Variants in ASB1 observed in about 807,000 individuals in gnomAD.
ASB1 encodes the protein ankyrin repeat and SOCS box protein 1.
ASB1 carries 18 observed loss-of-function variants against 27.7 expected under a neutral mutation model. The observed-to-expected ratio is 0.65, with a 90% CI of 0.45 to 0.96. The LOEUF is 0.96. Ranked by LOEUF, ASB1 falls within the 50% of genes least tolerant of loss-of-function variation. The pLI is 0.00. For missense variants in ASB1, 397 were observed against 451.7 expected (o/e 0.88, Z 1.10); for synonymous variants, 189 against 187.6 (o/e 1.01, Z -0.06).
intron 2 of ASB1, 38 bp downstream of exon 2, chr2:238,433,733 G>A (rs1259337056): frequency 6.2e-7 from 1 of 1,608,938 alleles, no homozygotes; most frequent in Non-Finnish European, 8.5e-7. Context: ...GGGTACTAGG[G>A]CCCTGAAGGT....
chr2:238,443,590 G>T (rs532156197), intron 3 of ASB1, among the ~76,000 whole-genome samples: 1 of 152,306 alleles, frequency 6.6e-6, no homozygotes, highest in South Asian at 2.1e-4. Context: ...TCCAGCTTTG[G>T]CCGGAGTGCT....
intron 4 of ASB1, among the ~76,000 whole-genome samples, chr2:238,445,914 C>T (rs1436852792): frequency 6.6e-6 from 1 of 152,254 alleles, no homozygotes; most frequent in Non-Finnish European, 1.5e-5. Flanking sequence ...CTTGGCTGCG[C>T]TCTTTTCATT....
In ASB1 at chr2:238,426,976, C is replaced by CT. The variant is rs947262882; in HGVS notation, c.-95_-94insT. On this transcript the variant is annotated 5_prime_UTR_variant, in exon 1 of 5. Coordinates refer to ENST00000264607, the MANE Select transcript of ASB1 (RefSeq NM_001040445.3). Reference sequence around the variant, plus strand: ...GAAGCCGCGACCCCGACGCGCCCCCCATTGCCCTCGGCGCCGGAAGTGGTC... The same window carrying CT: ...GAAGCCGCGACCCCGACGCGCCCCCCTATTGCCCTCGGCGCCGGAAGTGGTC... 1 of 1,017,558 alleles carries CT rather than the reference C, an allele frequency of 9.8e-7. No individual in the cohort carries two copies. The highest frequency in any genetic ancestry group is 4.4e-5 in the Admixed American group (1 of 22,946). The allele number at this position is 1,017,558 out of a possible 1,614,324, so 63.0% of individuals were successfully genotyped here. A position where few individuals can be genotyped will look rare whatever the true frequency, so the allele number is the denominator to read the frequency against.
chr2:238,440,179 C>T (rs1457136535), intron 3 of ASB1, among the ~76,000 whole-genome samples: 3 of 152,172 alleles, frequency 2.0e-5, no homozygotes, highest in South Asian at 2.1e-4. Context: ...TGGAATAAGT[C>T]ATTTCTCCTA....
chr2:238,450,743 G>T lies in ASB1; in HGVS notation c.*4232G>T, dbSNP rs1357932872. Reference sequence around the variant, plus strand: ...GACACACTCACAGGAAGCTGATGTGGCCTTCTCGGTGAGGACTGCACCTTA... The same window carrying T: ...GACACACTCACAGGAAGCTGATGTGTCCTTCTCGGTGAGGACTGCACCTTA... On this transcript the variant is annotated 3_prime_UTR_variant, in exon 5 of 5. Coordinates refer to ENST00000264607, the MANE Select transcript of ASB1 (RefSeq NM_001040445.3). The T allele has an allele frequency of 1.3e-5, 2 of 152,246 alleles. No homozygotes were observed. Among genetic ancestry groups the T allele is most frequent in the Non-Finnish European group, 2.9e-5 (2 of 68,108 alleles). 9.4% of individuals were successfully genotyped at this position (152,246 alleles called of 1,614,324 possible). A position where few individuals can be genotyped will look rare whatever the true frequency, so the allele number is the denominator to read the frequency against.
At chr2:238,435,155 T>C (rs893318780) in intron 2 of ASB1, 1 of 153,554 alleles carries the variant, frequency 6.5e-6, no homozygotes, top group Non-Finnish European at 1.4e-5. Flanking sequence ...CAGGTTCCTC[T>C]GCCGCTCTTG....
intron 3 of ASB1, among the ~76,000 whole-genome samples, chr2:238,441,239 A>G (rs148625882): frequency 0.02 from 3,101 of 151,870 alleles, 104 homozygotes; most frequent in African/African-American, 0.071. Flanking sequence ...GGTTCAAGCA[A>G]TTCTCCTGCT....
intron 3 of ASB1, among the ~76,000 whole-genome samples, chr2:238,439,674 G>C (rs113661857): frequency 6.6e-6 from 1 of 152,160 alleles, no homozygotes; most frequent in African/African-American, 2.4e-5. Context: ...CAACTCTAAT[G>C]TTGACTCAGA....
chr2:238,446,284 T>G, intron 4 of ASB1, 100 bp from the exon 5 acceptor site: 2 of 1,360,238 alleles, frequency 1.5e-6, no homozygotes, highest in Non-Finnish European at 2.0e-6. Context: ...GTAGTGAGCA[T>G]TGGTGCACTT....
intron 4 of ASB1, among the ~76,000 whole-genome samples, chr2:238,445,816 A>G (rs1354753421): frequency 2.0e-5 from 3 of 152,254 alleles, no homozygotes; most frequent in Non-Finnish European, 4.4e-5. Context: ...TAGTTAATGA[A>G]TGGTCAGCTG....
chr2:238,450,977 T>A lies in ASB1; in HGVS notation c.*4466T>A, dbSNP rs991945319. 1 of 139,662 alleles carries A rather than the reference T, an allele frequency of 7.2e-6. No individual in the cohort carries two copies. Among genetic ancestry groups the A allele is most frequent in the South Asian group, 2.2e-4 (1 of 4,552 alleles). 8.7% of individuals were successfully genotyped at this position (139,662 alleles called of 1,614,324 possible). A position where few individuals can be genotyped will look rare whatever the true frequency, so the allele number is the denominator to read the frequency against. On this transcript the variant is annotated 3_prime_UTR_variant, in exon 5 of 5. Transcript: ENST00000264607. ...GCCATGTGACCTCCTTTCTCACTTA[T>A]GCCTCACTCCCCTCCTCCCGCTCCA... is the stretch of plus-strand genomic sequence containing the variant.
At chr2:238,433,772 G>A in intron 2 of ASB1, 77 bp downstream of exon 2, 5 of 1,534,694 alleles carry the variant, frequency 3.3e-6, no homozygotes, top group East Asian at 4.5e-5. Context: ...CACAGTCGCT[G>A]TGCAGATGAA....
chr2:238,431,832 T>C (rs183317033), intron 1 of ASB1, among the ~76,000 whole-genome samples: 5 of 152,348 alleles, frequency 3.3e-5, no homozygotes, highest in Admixed American at 2.6e-4. Context: ...TGGCACAGTT[T>C]GTGGCACCCC....
intron 3 of ASB1, among the ~76,000 whole-genome samples, chr2:238,443,245 G>A (rs986963357): frequency 6.6e-6 from 1 of 151,964 alleles, no homozygotes; most frequent in Non-Finnish European, 1.5e-5. Context: ...TATCATTTTT[G>A]TTATGCAAAT....
intron 3 of ASB1, among the ~76,000 whole-genome samples, chr2:238,438,199 A>ATTTTTTTTT (rs57391955): frequency 0.17 from 16,719 of 97,672 alleles, 3,203 homozygotes; most frequent in Admixed American, 0.22. Flanking sequence ...GATGCCCTTC[A>ATTTTTTTTT]TTTTTTTTTT....
At chr2:238,441,035 C>T (rs1256893988) in intron 3 of ASB1, among the ~76,000 whole-genome samples, 1 of 152,170 alleles carries the variant, frequency 6.6e-6, no homozygotes, top group Non-Finnish European at 1.5e-5. Flanking sequence ...TCATGGGAGT[C>T]TGGATGTTTA....
At chr2:238,442,353 C>T (rs936761311) in intron 3 of ASB1, among the ~76,000 whole-genome samples, 8 of 152,096 alleles carry the variant, frequency 5.3e-5, no homozygotes, top group African/African-American at 7.2e-5. Context: ...CTCAGATGAT[C>T]CACCTGCCTT....
intron 3 of ASB1, among the ~76,000 whole-genome samples, chr2:238,443,803 CA>C (rs1702124594): frequency 6.6e-6 from 1 of 151,046 alleles, no homozygotes; most frequent in South Asian, 2.1e-4. Flanking sequence ...CCTCATTTTA[CA>C]ATGGATTATA....
At position 238,444,707 on chromosome 2, in the gene ASB1, A is replaced by G; in HGVS notation, c.860A>G (p.Gln287Arg). ...AGAAAAGTGGACCCTGAGGCCTTGCAGGTCTTTAAAGAGGCCAGAAGTAAG... is the reference window on the plus strand; with the variant it reads ...AGAAAAGTGGACCCTGAGGCCTTGCGGGTCTTTAAAGAGGCCAGAAGTAAG... The part of the protein sequence containing the change: ...GRRKVDPEAL[Q>R]VFKEARSVPR... The change falls in exon 4 of 5, where the codon CAG becomes CGG. Residue 287 changes from glutamine (Q) to arginine (R), a missense_variant. Coordinates refer to ENST00000264607, the MANE Select transcript of ASB1 (RefSeq NM_001040445.3). The G allele has an allele frequency of 6.2e-7, 1 of 1,611,698 alleles. No individual in the cohort carries two copies. Among genetic ancestry groups the G allele is most frequent in the Non-Finnish European group, 8.5e-7 (1 of 1,178,712 alleles).
Sources: gnomAD v4.1 joint callset for allele counts (sites outside exome capture counted in the v4.1 genomes callset) on GRCh38, gnomAD v4.1.1 for gene constraint, MANE v1.5 for transcripts, NCBI Gene and HGNC (gene_info 2026-07-23, HGNC 2026-07-21) for gene names.